TEX52: variants seen among roughly 807,000 people sequenced by gnomAD.
The protein encoded by TEX52 is testis-expressed protein 52.
A neutral mutation model predicts 17.6 loss-of-function variants in TEX52; 22 were observed. The observed-to-expected ratio is 1.25, with a 90% CI of 0.89 to 1.78. The LOEUF (loss-of-function observed/expected upper bound fraction) is 1.78, where lower values mean the gene tolerates loss of function less well. TEX52 is among the 40% of genes most tolerant of loss of function. The pLI is 0.00. For synonymous variants in TEX52, 168 were observed against 147.4 expected (o/e 1.14, Z -1.01); for missense variants, 396 against 372.3 (o/e 1.06, Z -0.52).
intron 2 of TEX52, among the ~76,000 whole-genome samples, chr12:2,850,246 C>T (rs900689199): frequency 3.5e-4 from 53 of 152,038 alleles, no homozygotes; most frequent in African/African-American, 1.2e-3. Flanking sequence ...GAGGCCGAGG[C>T]GGGTGGATCA....
At chr12:2,856,462 T>C (rs1053140084) in intron 1 of TEX52, among the ~76,000 whole-genome samples, 2 of 152,038 alleles carry the variant, frequency 1.3e-5, no homozygotes. Context: ...ACCTCCCGGG[T>C]TCAAGTGATT....
Position 2,849,091 on chromosome 12 carries a change from G to A in TEX52, c.*140C>T, listed in dbSNP as rs1276152453. On this transcript the variant is annotated 3_prime_UTR_variant, in exon 3 of 3. Coordinates refer to ENST00000637658, the MANE Select transcript of TEX52 (RefSeq NM_001365174.2). ...GCCTGGGGTACAGAGGTGGCTTGAG[G>A]CTGGGAGGATGGTGGAGAGGCTGTT... The A allele has an allele frequency of 4.8e-6, 4 of 838,632 alleles. No homozygotes were observed. Among genetic ancestry groups the A allele is most frequent in the Non-Finnish European group, 7.2e-6 (4 of 556,330 alleles). 51.9% of individuals were successfully genotyped at this position (838,632 alleles called of 1,614,324 possible).
intron 2 of TEX52, among the ~76,000 whole-genome samples, chr12:2,849,851 A>G (rs1163405637): frequency 1.3e-5 from 2 of 152,186 alleles, no homozygotes; most frequent in Non-Finnish European, 2.9e-5. Context: ...CTTTTCCACT[A>G]ATGCAGTGAC....
At chr12:2,854,310 C>T (rs2098080544) in intron 2 of TEX52, among the ~76,000 whole-genome samples, 2 of 152,232 alleles carry the variant, frequency 1.3e-5, no homozygotes, top group Admixed American at 6.5e-5. Context: ...CAGGCGTGAG[C>T]CACCACGCCC....
At chr12:2,850,089 C>A (rs1415258502) in intron 2 of TEX52, among the ~76,000 whole-genome samples, 1 of 152,128 alleles carries the variant, frequency 6.6e-6, no homozygotes, top group Non-Finnish European at 1.5e-5. Flanking sequence ...ATTACAATCA[C>A]CCTGGGAGCT....
chr12:2,849,675 C>G (rs1017712586), intron 2 of TEX52, 150 bp from the exon 3 acceptor site: 2 of 871,130 alleles, frequency 2.3e-6, no homozygotes, highest in South Asian at 3.4e-5. Flanking sequence ...TCCACCTAAT[C>G]GGATATTGAC....
chr12:2,855,432 G>A lies in TEX52; in HGVS notation c.87C>T (p.Ser29=), dbSNP rs758237513. The change falls in exon 2 of 3, where the codon AGC becomes AGT. Residue 29 remains serine (S), a synonymous_variant. Transcript: ENST00000637658. Reference sequence around the variant, plus strand: ...ACGTTTGGGAGGGTGGGAGGGACTCGCTGGCCTGGACCATCTAGGGAGAGA... The same window carrying A: ...ACGTTTGGGAGGGTGGGAGGGACTCACTGGCCTGGACCATCTAGGGAGAGA... ...EEPFLQMVQA[S]ESLPPSQTWA... 204 of 1,470,600 alleles carry A rather than the reference G, an allele frequency of 1.4e-4. 1 individual carries two copies. The highest frequency in any genetic ancestry group is 7.3e-4 in the Middle Eastern group (3 of 4,116). The allele number at this position is 1,470,600 out of a possible 1,614,324, so 91.1% of individuals were successfully genotyped here.
In TEX52 at chr12:2,853,492, C is replaced by T. The variant is rs571259105; in HGVS notation, c.623+1404G>A. ...TTCACCATGTTGGCCAGGCTGGTCTCGAACTCCTGACCTCAGGCGATCTGC... is the reference window on the plus strand; with the variant it reads ...TTCACCATGTTGGCCAGGCTGGTCTTGAACTCCTGACCTCAGGCGATCTGC... On this transcript the variant is annotated intron_variant, in intron 2 of 2. Coordinates refer to ENST00000637658, the MANE Select transcript of TEX52 (RefSeq NM_001365174.2). 2.4e-3 allele frequency among the ~76,000 whole-genome samples: 369 copies of T among 152,144 alleles called. 2 individuals are homozygous for T. Among genetic ancestry groups the T allele is most frequent in the African/African-American group, 8.5e-3 (353 of 41,472 alleles).
At chr12:2,854,418 C>T (rs919889965) in intron 2 of TEX52, among the ~76,000 whole-genome samples, 10 of 152,214 alleles carry the variant, frequency 6.6e-5, no homozygotes, top group Non-Finnish European at 1.0e-4. Context: ...CCCCCTTCAT[C>T]GGTGAGGGAG....
At chr12:2,851,652 G>A (rs191588287) in intron 2 of TEX52, among the ~76,000 whole-genome samples, 48 of 148,060 alleles carry the variant, frequency 3.2e-4, no homozygotes, top group African/African-American at 1.2e-3. Context: ...CGCTAAATTT[G>A]TTTTATTTTA....
At position 2,855,342 on chromosome 12, in the gene TEX52, G is replaced by A; in HGVS notation, c.177C>T (p.Ala59=). The change falls in exon 2 of 3, where the codon GCC becomes GCT. Residue 59 remains alanine, a synonymous_variant. Coordinates refer to ENST00000637658, the MANE Select transcript of TEX52 (RefSeq NM_001365174.2). ...SWEFPGFTRQ[A]YHQLALKLPP... is the part of the protein sequence containing the mutation. ...GCAGCTTCAGAGCCAGCTGGTGGTA[G>A]GCTTGCCGGGTGAAGCCAGGGAACT... 1 of 1,532,206 alleles carries A rather than the reference G, an allele frequency of 6.5e-7. No individual in the cohort carries two copies. Among genetic ancestry groups the A allele is most frequent in the Non-Finnish European group, 8.7e-7 (1 of 1,143,920 alleles). The allele number at this position is 1,532,206 out of a possible 1,614,324, so 94.9% of individuals were successfully genotyped here. A position where few individuals can be genotyped will look rare whatever the true frequency, so the allele number is the denominator to read the frequency against.
At chr12:2,853,808 C>A (rs1287369737) in intron 2 of TEX52, among the ~76,000 whole-genome samples, 2 of 151,990 alleles carry the variant, frequency 1.3e-5, no homozygotes, top group Non-Finnish European at 2.9e-5. Flanking sequence ...GGGGGAGCTG[C>A]GGGGTTCACA....
Position 2,849,404 on chromosome 12 carries a change from C to T in TEX52, c.745G>A (p.Glu249Lys). 1 of 1,536,136 alleles carries T rather than the reference C, an allele frequency of 6.5e-7. No individual in the cohort carries two copies. The highest frequency in any genetic ancestry group is 8.7e-7 in the Non-Finnish European group (1 of 1,146,912). Residue 249 changes from glutamate (E) to lysine (K), a missense_variant, in exon 3 of 3, where the codon GAG (glutamate) becomes AAG (lysine). By Grantham distance (56) the Glu-to-Lys change is moderately conservative. Coordinates refer to ENST00000637658, the MANE Select transcript of TEX52 (RefSeq NM_001365174.2). ...PCPNPLPHYQ[E>K]KVLKLALLPS... ...AGCAAGGCCAGCTTTAGCACCTTCT[C>T]CTGGTAGTGAGGCAGAGGGTTTGGG...
chr12:2,850,721 G>A (rs1415077000), intron 2 of TEX52, among the ~76,000 whole-genome samples: 1 of 151,444 alleles, frequency 6.6e-6, no homozygotes, highest in Non-Finnish European at 1.5e-5. Flanking sequence ...TGCCCAGGCC[G>A]GAGTGCAGTG....
chr12:2,850,261 G>A (rs564200658), intron 2 of TEX52, among the ~76,000 whole-genome samples: 6 of 152,160 alleles, frequency 3.9e-5, no homozygotes, highest in African/African-American at 1.4e-4. Context: ...GGATCACAAG[G>A]TCAAGAGTTC....
At position 2,849,182 on chromosome 12, in the gene TEX52, C is replaced by G. The variant is rs566536151; in HGVS notation, c.*49G>C. On this transcript the variant is annotated 3_prime_UTR_variant, in exon 3 of 3. Coordinates refer to ENST00000637658, the MANE Select transcript of TEX52 (RefSeq NM_001365174.2). ...GCTGAAGGAGCATTGATTGAGAACA[C>G]TGGAGCCTGGGGCTCTGGGTATCAC... 62 of 1,490,164 alleles carry G rather than the reference C, an allele frequency of 4.2e-5. No individual in the cohort carries two copies. Among genetic ancestry groups the G allele is most frequent in the Non-Finnish European group, 5.3e-5 (60 of 1,125,518 alleles). The allele number at this position is 1,490,164 out of a possible 1,614,324, so 92.3% of individuals were successfully genotyped here.
chr12:2,854,689 C>T (rs978238116), intron 2 of TEX52, among the ~76,000 whole-genome samples: 12 of 152,146 alleles, frequency 7.9e-5, no homozygotes, highest in Middle Eastern at 6.3e-3. Context: ...AGCTGTCCCC[C>T]AGATTTTAGT....
chr12:2,849,333 G>C lies in TEX52; in HGVS notation c.816C>G (p.Thr272=). ...GTAAGGCAGTTCTGTCCTTTATCAG[G>C]GTTTGGAAATCCCTTATGAGGTCCT... ...LSQDLIRDFQ[T]LIKDRTALPL... The change falls in exon 3 of 3, where the codon ACC becomes ACG. Residue 272 remains threonine (T), a synonymous_variant. Coordinates refer to ENST00000637658, the MANE Select transcript of TEX52 (RefSeq NM_001365174.2). The C allele has an allele frequency of 6.5e-7, 1 of 1,536,168 alleles. No individual in the cohort carries two copies. Among genetic ancestry groups the C allele is most frequent in the Non-Finnish European group, 8.7e-7 (1 of 1,146,926 alleles).
chr12:2,855,170 C>G lies in TEX52; in HGVS notation c.349G>C (p.Asp117His). The change falls in exon 2 of 3, where the codon GAT becomes CAT. Residue 117 changes from aspartate (D) to histidine (H), a missense_variant. Physicochemically the swap from Asp to His is moderately conservative, Grantham distance 81 (BLOSUM62 -1). Transcript: ENST00000637658. ...GTCAGCCAGCGCCAGACATTGCTAT[C>G]GTAGGGCCTGTCAGGCTGGGTGGGG... is the stretch of plus-strand genomic sequence containing the variant. ...TFPTQPDRPY[D>H]SNVWRWLTDS... 6.6e-7 allele frequency: 1 copy of G among 1,517,340 alleles called. No individual in the cohort carries two copies. 94.0% of individuals were successfully genotyped at this position (1,517,340 alleles called of 1,614,324 possible).
Sources: gnomAD v4.1 joint callset for allele counts (sites outside exome capture counted in the v4.1 genomes callset) on GRCh38, gnomAD v4.1.1 for gene constraint, MANE v1.5 for transcripts, NCBI Gene and HGNC (gene_info 2026-07-23, HGNC 2026-07-21) for gene names.